Variants in RNF212B observed in about 807,000 individuals in gnomAD.
RNF212B encodes E3 ubiquitin-protein ligase RNF212B.
In RNF212B, 52 loss-of-function variants were observed where a neutral mutation model predicts 55.5. The ratio of observed to expected loss-of-function variants is 0.94; its 90% confidence interval spans 0.75 to 1.18. The LOEUF (loss-of-function observed/expected upper bound fraction) is 1.18. Ranked by LOEUF, RNF212B falls within the 50% of genes most tolerant of loss-of-function variation. The pLI, the probability that RNF212B is intolerant of heterozygous loss-of-function variation, is 0.00. For synonymous variants in RNF212B, 99 were observed against 121.4 expected (o/e 0.82, Z 1.21); for missense variants, 289 against 350.4 (o/e 0.82, Z 1.40).
At chr14:23,263,102 T>TC (rs1885421886) in intron 9 of RNF212B, 132 bp downstream of exon 9, 3 of 766,274 alleles carry the variant, frequency 3.9e-6, no homozygotes, top group Non-Finnish European at 6.5e-6. Context: ...TTTTTTTTTT[T>TC]CCCTAAGCCA....
intron 2 of RNF212B, among the ~76,000 whole-genome samples, chr14:23,206,048 C>G (rs1879800585): frequency 6.6e-6 from 1 of 152,160 alleles, no homozygotes. Flanking sequence ...AAAGATTTTA[C>G]TTATTACATA....
chr14:23,207,946 C>T (rs1468178778), intron 2 of RNF212B, among the ~76,000 whole-genome samples: 2 of 152,146 alleles, frequency 1.3e-5, no homozygotes, highest in African/African-American at 2.4e-5. Flanking sequence ...GCTTCCAGGT[C>T]ACAGATAAAT....
chr14:23,235,525 A>C (rs115555984), upstream of RNF212B, among the ~76,000 whole-genome samples: 685 of 152,332 alleles, frequency 4.5e-3, 3 homozygotes, highest in African/African-American at 0.015. Context: ...CTGCCTTGCC[A>C]CTTCAAGGAA....
chr14:23,235,399 G>A (rs79825285), upstream of RNF212B, among the ~76,000 whole-genome samples: 517 of 152,222 alleles, frequency 3.4e-3, 5 homozygotes, highest in African/African-American at 0.012. Context: ...AGTTTGATTT[G>A]TAACCTGAGC....
chr14:23,210,592 A>G (rs1235075997), intron 2 of RNF212B, among the ~76,000 whole-genome samples: 3 of 151,764 alleles, frequency 2.0e-5, no homozygotes, highest in African/African-American at 2.4e-5. Context: ...TCTTGCCAAC[A>G]TAGTGAAACC....
intron 1 of RNF212B, among the ~76,000 whole-genome samples, chr14:23,186,202 G>T (rs771126101): frequency 6.6e-6 from 1 of 152,142 alleles, no homozygotes; most frequent in Non-Finnish European, 1.5e-5. Flanking sequence ...CTGTAGGTTG[G>T]AATCTTTTTG....
intron 7 of RNF212B, among the ~76,000 whole-genome samples, chr14:23,262,377 G>T (rs1171312557): frequency 6.6e-6 from 1 of 152,202 alleles, no homozygotes; most frequent in East Asian, 1.9e-4. Flanking sequence ...GTATGGTTGA[G>T]AGTACTTGGT....
chr14:23,225,999 T>C (rs1165273002), intron 2 of RNF212B, among the ~76,000 whole-genome samples: 1 of 152,098 alleles, frequency 6.6e-6, no homozygotes, highest in Non-Finnish European at 1.5e-5. Context: ...GAAAAATTTT[T>C]TAAAAAATTA....
At chr14:23,255,446 A>G (rs1006555269) in intron 4 of RNF212B, among the ~76,000 whole-genome samples, 4 of 152,228 alleles carry the variant, frequency 2.6e-5, no homozygotes, top group African/African-American at 9.6e-5. Context: ...ATAGAAGTAG[A>G]TAGTTTCATA....
At position 23,225,081 on chromosome 14, in the gene RNF212B, C is replaced by CA. The variant is rs374813233; in HGVS notation, c.-1-15254dup. Among the ~76,000 whole-genome samples, 687 of 146,334 alleles carry CA rather than the reference C, an allele frequency of 4.7e-3. 1 individual carries two copies. Among genetic ancestry groups the CA allele is most frequent in the African/African-American group, 6.3e-3 (253 of 39,982 alleles). The stretch of plus-strand genomic sequence containing the variant: ...TAAGACACCTTGATGCCACCCCACA[C>CA]AAAAAAAAAACACCTACAATAAGAT... On this transcript the variant is annotated intron_variant, in intron 2 of 15. Coordinates refer to the RNF212B transcript ENST00000399910.
intron 2 of RNF212B, among the ~76,000 whole-genome samples, chr14:23,231,814 A>AT (rs896518533): frequency 4.6e-5 from 7 of 152,094 alleles, no homozygotes; most frequent in East Asian, 1.9e-4. Context: ...TGGTTTTTGT[A>AT]TTTTTTTGGT....
chr14:23,239,171 C>T (rs189865551), intron 1 of RNF212B, among the ~76,000 whole-genome samples: 7 of 152,190 alleles, frequency 4.6e-5, no homozygotes, highest in African/African-American at 1.4e-4. Context: ...AATTATCATG[C>T]CTCAGCTTCC....
chr14:23,267,604 T>C (rs1394719841), intron 11 of RNF212B, among the ~76,000 whole-genome samples: 1 of 151,968 alleles, frequency 6.6e-6, no homozygotes, highest in Non-Finnish European at 1.5e-5. Context: ...AATTTTTGTA[T>C]TTTTAGTAGA....
chr14:23,213,252 G>A (rs1048964117), intron 2 of RNF212B, among the ~76,000 whole-genome samples: 2 of 151,758 alleles, frequency 1.3e-5, no homozygotes, highest in Non-Finnish European at 2.9e-5. Context: ...GGCGGAGCTT[G>A]CAGTGAGCCG....
intron 14 of RNF212B, among the ~76,000 whole-genome samples, chr14:23,271,843 G>A (rs1251917895): frequency 6.6e-6 from 1 of 152,118 alleles, no homozygotes; most frequent in Non-Finnish European, 1.5e-5. Context: ...TGAGACAGTT[G>A]AACAAAATTA....
intron 2 of RNF212B, among the ~76,000 whole-genome samples, chr14:23,219,929 A>G (rs1030814397): frequency 4.6e-5 from 7 of 152,086 alleles, no homozygotes; most frequent in African/African-American, 1.4e-4. Flanking sequence ...CACACCTGTA[A>G]TCCCAGCATT....
intron 3 of RNF212B, among the ~76,000 whole-genome samples, chr14:23,243,717 A>AAAGC (rs1555316871): frequency 0.024 from 2,767 of 116,458 alleles, 80 homozygotes; most frequent in African/African-American, 0.068. Context: ...AAAAAAAAAA[A>AAAGC]AAGCAAGCAA....
At chr14:23,249,912 A>T (rs187571984) in intron 4 of RNF212B, among the ~76,000 whole-genome samples, 6 of 152,294 alleles carry the variant, frequency 3.9e-5, no homozygotes, top group Admixed American at 3.3e-4. Context: ...ACAAATCTGA[A>T]CAAGTAACTG....
intron 1 of RNF212B, among the ~76,000 whole-genome samples, chr14:23,192,819 C>A (rs561628887): frequency 5.9e-5 from 9 of 152,072 alleles, no homozygotes; most frequent in African/African-American, 1.9e-4. Flanking sequence ...TGGCCAGGTG[C>A]GGTGGCTCAT....
Sources: gnomAD v4.1 joint callset for allele counts (sites outside exome capture counted in the v4.1 genomes callset) on GRCh38, gnomAD v4.1.1 for gene constraint, MANE v1.5 for transcripts, NCBI Gene and HGNC (gene_info 2026-07-23, HGNC 2026-07-21) for gene names.